The following CAGE1 variants were observed in gnomAD, a reference collection of about 807,000 sequenced individuals.
CAGE1 encodes the protein cancer antigen 1.
A neutral mutation model predicts 94.9 loss-of-function variants in CAGE1; 66 were observed. The observed-to-expected ratio is 0.70, with a 90% confidence interval of 0.57 to 0.85. The LOEUF (loss-of-function observed/expected upper bound fraction) is 0.85. Among genes scored for constraint, CAGE1 ranks in the 40% least tolerant of loss-of-function variants. The pLI is 0.00. For missense variants in CAGE1, 865 were observed against 950.4 expected, an observed-to-expected ratio of 0.91 and a Z score of 1.18; for synonymous variants, 319 against 321.0, an observed-to-expected ratio of 0.99 and a Z score of 0.07.
At chr6:7,378,324 T>C (rs1195317255) in intron 4 of CAGE1, among the ~76,000 whole-genome samples, 1 of 152,206 alleles carries the variant, frequency 6.6e-6, no homozygotes, top group Non-Finnish European at 1.5e-5. Flanking sequence ...AATCCTCAAG[T>C]ATGGACTTGA....
chr6:7,381,083 T>G (rs1222930414), intron 3 of CAGE1, among the ~76,000 whole-genome samples: 2 of 152,254 alleles, frequency 1.3e-5, no homozygotes, highest in East Asian at 3.8e-4. Flanking sequence ...CTTACAGGTT[T>G]CTTTTTCTGT....
chr6:7,368,876 AC>A (rs1454851234), intron 6 of CAGE1, 78 bp from the exon 7 acceptor site: 11 of 755,014 alleles, frequency 1.5e-5, no homozygotes, highest in Non-Finnish European at 2.2e-5. Flanking sequence ...TGCATATGAA[AC>A]AAAAACAAAT....
At chr6:7,329,330 A>G in intron 13 of CAGE1, 1 of 357,066 alleles carries the variant, frequency 2.8e-6, no homozygotes, top group Non-Finnish European at 5.0e-6. Flanking sequence ...TGTGGCCAAT[A>G]TGCATGATGA....
intron 4 of CAGE1, among the ~76,000 whole-genome samples, chr6:7,378,098 A>T (rs1016650571): frequency 4.6e-5 from 7 of 152,182 alleles, no homozygotes; most frequent in Non-Finnish European, 4.4e-5. Flanking sequence ...AGCCATTTTG[A>T]TTCAACAAAT....
intron 6 of CAGE1, among the ~76,000 whole-genome samples, 182 bp downstream of exon 6, chr6:7,369,737 G>C (rs778541046): frequency 7.2e-5 from 11 of 152,166 alleles, no homozygotes; most frequent in Non-Finnish European, 1.2e-4. Context: ...GTTCAAGAAA[G>C]ATAAGCAGAA....
In CAGE1 at chr6:7,373,506, TACTG is replaced by T; in HGVS notation, c.1309_1312del (p.Gln437IlefsTer2). On this transcript the variant is annotated frameshift_variant, in exon 5 of 14. Transcript: ENST00000502583. LOFTEE classifies it high-confidence loss of function. ...GCTTAAGGTTTTGTCCATCTCTAAA[TACTG>T]ACTTACAGATTTATTTTTTTGTTGC... The T allele has an allele frequency of 6.2e-6, 10 of 1,613,908 alleles. No individual in the cohort carries two copies. Among genetic ancestry groups the T allele is most frequent in the Non-Finnish European group, 8.5e-6 (10 of 1,179,852 alleles).
Position 7,378,727 on chromosome 6 carries a change from G to C in CAGE1, c.577C>G (p.Leu193Val). Residue 193 changes from leucine to valine, a missense_variant, in exon 4 of 14, where the codon CTA becomes GTA. Leu to Val is a conservative substitution (Grantham distance 32). Transcript: ENST00000502583. ...AGCATCTCTCCACTGCAGTGGATTA[G>C]AGGCGGGCTTCTAGGAGGAGGCTGT... is the stretch of plus-strand genomic sequence containing the variant. ...FRQPPPRSPPLIHCSGEMLKF... is the reference protein window; with the variant it reads ...FRQPPPRSPPVIHCSGEMLKF... 3 of 1,613,956 alleles carry C rather than the reference G, an allele frequency of 1.9e-6. No individual in the cohort carries two copies. Among genetic ancestry groups the C allele is most frequent in the Non-Finnish European group, 2.5e-6 (3 of 1,179,846 alleles).
At chr6:7,333,430 C>T (rs1462448334) in intron 12 of CAGE1, among the ~76,000 whole-genome samples, 1 of 151,970 alleles carries the variant, frequency 6.6e-6, no homozygotes, top group Non-Finnish European at 1.5e-5. Flanking sequence ...AGCCCATAAT[C>T]TTTATAGTTT....
rs759616878 is a variant in CAGE1, at chr6:7,326,835, T to C, written c.*23A>G. 6.6e-7 allele frequency: 1 copy of C among 1,523,256 alleles called. No homozygotes were observed. The highest frequency in any genetic ancestry group is 2.3e-5 in the East Asian group (1 of 44,388). 94.4% of individuals were successfully genotyped at this position (1,523,256 alleles called of 1,614,324 possible). On this transcript the variant is annotated 3_prime_UTR_variant, in exon 14 of 14. Transcript: ENST00000502583. ...TCCTGGAGTGGTTGACAAAAATGAT[T>C]ACTGTTTAATCTTCAGGCTTGTTTA...
Position 7,328,773 on chromosome 6 carries a change from A to G in CAGE1, c.2478+1076T>C, listed in dbSNP as rs189643029. On this transcript the variant is annotated intron_variant, in intron 13 of 13. Coordinates refer to ENST00000502583, the MANE Select transcript of CAGE1 (RefSeq NM_001170692.2). ...AGAGGATTTTGAATCCTCCCAACAC[A>G]AAGAACTGATGAATGTCTGGAGTGA... 2.6e-5 allele frequency among the ~76,000 whole-genome samples: 4 copies of G among 152,134 alleles called. No homozygotes were observed. In the East Asian group the frequency reaches 7.7e-4, roughly 29 times the overall value.
chr6:7,338,030 T>A (rs1686590864), intron 11 of CAGE1, among the ~76,000 whole-genome samples: 1 of 152,224 alleles, frequency 6.6e-6, no homozygotes, highest in South Asian at 2.1e-4. Context: ...ATGAGTCTTT[T>A]ACATACTTTC....
At chr6:7,369,005 T>C (rs1168519219) in intron 6 of CAGE1, among the ~76,000 whole-genome samples, 1 of 137,328 alleles carries the variant, frequency 7.3e-6, no homozygotes, top group East Asian at 2.2e-4. Context: ...ATTTTTTTTA[T>C]TTTAATTTTT....
intron 11 of CAGE1, among the ~76,000 whole-genome samples, chr6:7,350,126 A>G (rs1277052640): frequency 6.6e-6 from 1 of 152,188 alleles, no homozygotes. Context: ...ATCAGACAAA[A>G]CAAACTTTAA....
chr6:7,341,254 A>G (rs1759163626), intron 11 of CAGE1: 2 of 668,942 alleles, frequency 3.0e-6, no homozygotes, highest in African/African-American at 3.6e-5. Context: ...AAAGGTGCTC[A>G]CAGCAGAAGC....
chr6:7,338,824 G>T, intron 11 of CAGE1: 1 of 1,023,748 alleles, frequency 9.8e-7, no homozygotes, highest in Non-Finnish European at 1.6e-6. Flanking sequence ...GAATACAGCT[G>T]CCAAGGAGAT....
chr6:7,353,181 C>CA (rs1759842509), intron 11 of CAGE1, among the ~76,000 whole-genome samples: 1 of 152,038 alleles, frequency 6.6e-6, no homozygotes, highest in Non-Finnish European at 1.5e-5. Flanking sequence ...ATAAGGAACT[C>CA]AAACAAATCA....
At position 7,339,557 on chromosome 6, in the gene CAGE1, T is replaced by C; in HGVS notation, c.2370-5467A>G. On this transcript the variant is annotated intron_variant, in intron 11 of 13. Transcript: ENST00000502583. The surrounding 1 kb of genome is among the most constrained non-coding windows in gnomAD (Gnocchi z 4.7). ...TGACAAACTTCCTCTTCTTGGAAAT[T>C]TGTAAGGCGATCTTGCCGCCATGCT... is the stretch of plus-strand genomic sequence containing the variant. 1 of 775,044 alleles carries C rather than the reference T, an allele frequency of 1.3e-6. No homozygotes were observed. The highest frequency in any genetic ancestry group is 2.4e-6 in the Non-Finnish European group (1 of 418,302). The allele number at this position is 775,044 out of a possible 1,614,324, so 48.0% of individuals were successfully genotyped here. A position where few individuals can be genotyped will look rare whatever the true frequency, so the allele number is the denominator to read the frequency against.
chr6:7,389,640 A>G lies in CAGE1; in HGVS notation c.-462T>C. On this transcript the variant is annotated 5_prime_UTR_variant, in exon 1 of 14. Transcript: ENST00000502583. ...GGGGTACAGAAACGAAAACTCCGGG[A>G]AGAAACGGCCAGCACGGGCCTCGCC... The G allele has an allele frequency of 2.7e-6, 1 of 377,104 alleles. No individual in the cohort carries two copies. The highest frequency in any genetic ancestry group is 5.0e-6 in the Non-Finnish European group (1 of 198,086). 23.4% of individuals were successfully genotyped at this position (377,104 alleles called of 1,614,324 possible). A position where few individuals can be genotyped will look rare whatever the true frequency, so the allele number is the denominator to read the frequency against.
intron 11 of CAGE1, among the ~76,000 whole-genome samples, chr6:7,352,739 C>T (rs1462482120): frequency 3.3e-5 from 5 of 152,124 alleles, no homozygotes; most frequent in Non-Finnish European, 7.4e-5. Flanking sequence ...GAAATAAATG[C>T]AAATACTTAT....
Sources: allele counts gnomAD v4.1 joint callset (sites outside exome capture counted in the v4.1 genomes callset), GRCh38; gene constraint gnomAD v4.1.1; non-coding constraint Gnocchi (gnomAD v3.1); transcripts MANE v1.5; gene names NCBI Gene and HGNC (gene_info 2026-07-23, HGNC 2026-07-21).